Variants in PCDH9 observed in about 807,000 individuals in gnomAD.
PCDH9 encodes the protein protocadherin 9.
In PCDH9, 24 loss-of-function variants were observed where a neutral mutation model predicts 70.6. The observed-to-expected ratio is 0.34, with a 90% CI of 0.25 to 0.48. PCDH9 has a LOEUF of 0.48. Ranked by LOEUF, PCDH9 falls within the 20% of genes least tolerant of loss-of-function variation. PCDH9 has a pLI of 0.99. For synonymous variants in PCDH9, 562 were observed against 558.5 expected, an observed-to-expected ratio of 1.01 and a Z score of -0.09; for missense variants, 1,281 against 1,503.6, an observed-to-expected ratio of 0.85 and a Z score of 2.45.
chr13:66,450,139 T>A (rs1958175160), intron 4 of PCDH9, among the ~76,000 whole-genome samples: 2 of 152,178 alleles, frequency 1.3e-5, no homozygotes, highest in Non-Finnish European at 2.9e-5. Context: ...AAAATGTCAG[T>A]AGCCATCAGT....
At chr13:66,975,186 A>G (rs1312363239) in intron 2 of PCDH9, among the ~76,000 whole-genome samples, 2 of 152,064 alleles carry the variant, frequency 1.3e-5, no homozygotes, top group Non-Finnish European at 2.9e-5. Flanking sequence ...CAGATAGGCC[A>G]TGTCATAGAA....
At chr13:67,172,185 A>G (rs1414510622) in intron 2 of PCDH9, among the ~76,000 whole-genome samples, 1 of 152,118 alleles carries the variant, frequency 6.6e-6, no homozygotes, top group Non-Finnish European at 1.5e-5. Context: ...TTCAAATCTC[A>G]AGTAAATGTT....
chr13:66,343,247 C>T (rs765939347), intron 4 of PCDH9, among the ~76,000 whole-genome samples: 21 of 152,246 alleles, frequency 1.4e-4, no homozygotes, highest in Middle Eastern at 3.4e-3. Flanking sequence ...GGCTTAAGAA[C>T]ATCCATTTAT....
intron 3 of PCDH9, among the ~76,000 whole-genome samples, chr13:66,696,022 A>T (rs1383647668): frequency 6.6e-6 from 1 of 152,170 alleles, no homozygotes; most frequent in Non-Finnish European, 1.5e-5. Context: ...AATCACAAAA[A>T]TTTAGTTAGT....
chr13:66,483,939 A>G (rs536053718), intron 4 of PCDH9, among the ~76,000 whole-genome samples: 6 of 152,134 alleles, frequency 3.9e-5, no homozygotes, highest in Non-Finnish European at 8.8e-5. Flanking sequence ...TGGCAATCGG[A>G]CATCGAGGGG....
intron 4 of PCDH9, among the ~76,000 whole-genome samples, chr13:66,418,520 T>C (rs950419602): frequency 6.6e-6 from 1 of 152,136 alleles, no homozygotes; most frequent in African/African-American, 2.4e-5. Context: ...AAGGCAGAAA[T>C]AAATAAGTTA....
chr13:66,436,586 C>G (rs1957871093), intron 4 of PCDH9, among the ~76,000 whole-genome samples: 1 of 151,986 alleles, frequency 6.6e-6, no homozygotes, highest in Non-Finnish European at 1.5e-5. Flanking sequence ...TTCCTGTGTC[C>G]CAACTTTCTT....
chr13:67,227,578 C>T lies in PCDH9; in HGVS notation c.863G>A (p.Arg288Gln), dbSNP rs778185688. Residue 288 changes from arginine to glutamine, a missense_variant, in exon 2 of 5, where the codon CGG becomes CAG. Physicochemically the swap from Arg to Gln is conservative, Grantham distance 43 (BLOSUM62 1). Around this residue, in one of 4 missense-constraint regions of PCDH9, gnomAD observed 798 missense variants for 1,003.1 expected, o/e 0.80. Coordinates refer to ENST00000377865, the MANE Select transcript of PCDH9 (RefSeq NM_203487.3). The surrounding 1 kb of genome is among the most constrained non-coding windows in gnomAD (Gnocchi z 4.6). ...DADIGSNAEI[R>Q]YIFGAQVAPA... ...GGCGACCTGGGCACCAAAAATGTAC[C>T]GGATTTCAGCATTACTGCCTATATC... is the stretch of plus-strand genomic sequence containing the variant. 60 of 1,613,892 alleles carry T rather than the reference C, an allele frequency of 3.7e-5. No homozygotes were observed. The South Asian group carries it at 5.2e-4, about 14-fold the overall frequency.
chr13:66,564,054 A>G (rs2076615604), intron 4 of PCDH9, among the ~76,000 whole-genome samples: 1 of 152,148 alleles, frequency 6.6e-6, no homozygotes, highest in African/African-American at 2.4e-5. Flanking sequence ...TTAAGGCACA[A>G]TTGTGGGAGA....
intron 4 of PCDH9, among the ~76,000 whole-genome samples, chr13:66,417,386 CATGGTGTATAT>C (rs1316023654): frequency 3.3e-5 from 5 of 152,128 alleles, no homozygotes; most frequent in Non-Finnish European, 7.3e-5. Flanking sequence ...CATAGTATTC[CATGGTGTATAT>C]GTGCCACGTT....
intron 3 of PCDH9, among the ~76,000 whole-genome samples, chr13:66,764,420 C>T (rs998441182): frequency 9.2e-5 from 14 of 151,902 alleles, no homozygotes; most frequent in Admixed American, 4.6e-4. Flanking sequence ...TTAACATTTG[C>T]GTGTAAAACT....
intron 4 of PCDH9, among the ~76,000 whole-genome samples, chr13:66,373,650 C>T (rs75256907): frequency 0.067 from 10,111 of 152,006 alleles, 440 homozygotes; most frequent in Non-Finnish European, 0.1. Context: ...CAGAAATGAC[C>T]TTTAAAAATG....
chr13:66,397,397 T>TG (rs747980637), intron 4 of PCDH9, among the ~76,000 whole-genome samples: 5 of 151,884 alleles, frequency 3.3e-5, no homozygotes, highest in Admixed American at 6.6e-5. Flanking sequence ...CCAGCCTGGG[T>TG]GACAGAGTGA....
intron 4 of PCDH9, among the ~76,000 whole-genome samples, chr13:66,313,744 T>G (rs2138069504): frequency 6.6e-6 from 1 of 152,314 alleles, no homozygotes; most frequent in South Asian, 2.1e-4. Flanking sequence ...TAATATAACT[T>G]CAGCCTTGTT....
At chr13:67,199,973 AC>A (rs1374777070) in intron 2 of PCDH9, among the ~76,000 whole-genome samples, 1 of 152,042 alleles carries the variant, frequency 6.6e-6, no homozygotes, top group Non-Finnish European at 1.5e-5. Flanking sequence ...CAAAAACAAA[AC>A]CAAACTAGCA....
In PCDH9 at chr13:67,024,165, G is replaced by C. The variant is rs372416245; in HGVS notation, c.3037-120560C>G. ...CTGGGTATTTTACCTACAATTACTGGATAATTTAAAGAGACAATGGGAAAA... is the reference window on the plus strand; with the variant it reads ...CTGGGTATTTTACCTACAATTACTGCATAATTTAAAGAGACAATGGGAAAA... On this transcript the variant is annotated intron_variant, in intron 2 of 4. Coordinates refer to ENST00000377865, the MANE Select transcript of PCDH9 (RefSeq NM_203487.3). 4.5e-4 allele frequency among the ~76,000 whole-genome samples: 69 copies of C among 152,254 alleles called. No homozygotes were observed. The South Asian group carries it at 0.014, about 30-fold the overall frequency.
intron 2 of PCDH9, among the ~76,000 whole-genome samples, chr13:67,175,988 T>C (rs2088441994): frequency 6.6e-6 from 1 of 151,688 alleles, no homozygotes; most frequent in African/African-American, 2.4e-5. Flanking sequence ...CAAGAAGATG[T>C]TTCCAGCTGA....
At chr13:66,510,484 A>C (rs3927599) in intron 4 of PCDH9, among the ~76,000 whole-genome samples, 1 of 152,064 alleles carries the variant, frequency 6.6e-6, no homozygotes, top group Non-Finnish European at 1.5e-5. Flanking sequence ...TACATTAGGT[A>C]TATCTCCTAA....
chr13:67,153,589 C>G (rs1362540082), intron 2 of PCDH9, among the ~76,000 whole-genome samples: 4 of 152,204 alleles, frequency 2.6e-5, no homozygotes, highest in Non-Finnish European at 5.9e-5. Context: ...TTCATAACAT[C>G]TATGGATGTC....
Sources: gnomAD v4.1 joint callset for allele counts (sites outside exome capture counted in the v4.1 genomes callset) on GRCh38, gnomAD v4.1.1 for gene constraint, gnomAD v4.1.1 regional missense constraint, Gnocchi (gnomAD v3.1) non-coding constraint, MANE v1.5 for transcripts, NCBI Gene and HGNC (gene_info 2026-07-23, HGNC 2026-07-21) for gene names.